Variants in GPRIN2 observed in about 807,000 individuals in gnomAD.
The protein encoded by GPRIN2 is G protein regulated inducer of neurite outgrowth 2, also known as G protein-regulated inducer of neurite outgrowth 2.
In GPRIN2, 1 loss-of-function variant was observed where a neutral mutation model predicts 0.3. That is an observed-to-expected ratio of 3.90 (90% CI 1.39 to 18.51). The LOEUF (loss-of-function observed/expected upper bound fraction) is 18.51. GPRIN2 is among the 30% of genes most tolerant of loss of function. The pLI is 0.11. For missense variants in GPRIN2, 880 were observed against 604.2 expected (o/e 1.46, Z -4.79); for synonymous variants, 361 against 258.6 (o/e 1.40, Z -3.80).
rs1588967145 is a variant in GPRIN2, at chr10:46,550,527, C to T, written c.210G>A (p.Glu70=). ...CAGAGGCCCGTGCTGGCTTCATGCTCTCAGGCGGGTTCCCCTCTTCCTCCG... is the reference window on the plus strand; with the variant it reads ...CAGAGGCCCGTGCTGGCTTCATGCTTTCAGGCGGGTTCCCCTCTTCCTCCG... ...QAPEEEGNPP[E]SMKPARASGP... is the part of the protein sequence containing the mutation. The change falls in exon 3 of 3, where the codon GAG becomes GAA. Residue 70 remains glutamate, a synonymous_variant. Coordinates refer to ENST00000374314, the MANE Select transcript of GPRIN2 (RefSeq NM_001385282.1). The T allele has an allele frequency of 5.0e-6, 8 of 1,596,924 alleles. No homozygotes were observed. The highest frequency in any genetic ancestry group is 6.0e-6 in the Non-Finnish European group (7 of 1,170,606).
At position 46,547,132 on chromosome 10, in the gene GPRIN2, C is replaced by T. The variant is rs2133202711; in HGVS notation, c.*2228G>A. Among the ~76,000 whole-genome samples the T allele has an allele frequency of 6.6e-6, 1 of 152,426 alleles. No individual in the cohort carries two copies. Among genetic ancestry groups the T allele is most frequent in the African/African-American group, 2.4e-5 (1 of 41,606 alleles). On this transcript the variant is annotated 3_prime_UTR_variant, in exon 3 of 3. Coordinates refer to ENST00000374314, the MANE Select transcript of GPRIN2 (RefSeq NM_001385282.1). ...TTCACCTTGACCCAGGTAGTGGCCT[C>T]ACCCTCCTCTTGCTCAAACTGGAAA...
At position 46,543,104 on chromosome 10, in the gene GPRIN2, G is replaced by C. The variant is rs988372693; in HGVS notation, c.*6256C>G. ...AGCAACCCCAGGGAGACCTCCCTCT[G>C]TAAGGAGATGCTCAGATGTTTTGGT... On this transcript the variant is annotated 3_prime_UTR_variant, in exon 3 of 3. Coordinates refer to ENST00000374314, the MANE Select transcript of GPRIN2 (RefSeq NM_001385282.1). Among the ~76,000 whole-genome samples, 12 of 152,300 alleles carry C rather than the reference G, an allele frequency of 7.9e-5. No homozygotes were observed. The highest frequency in any genetic ancestry group is 2.9e-5 in the Non-Finnish European group (2 of 68,058).
At chr10:46,553,998 C>T (rs980246783) in intron 2 of GPRIN2, among the ~76,000 whole-genome samples, 12 of 152,410 alleles carry the variant, frequency 7.9e-5, no homozygotes, top group African/African-American at 2.6e-4. Flanking sequence ...CCAATGGGGG[C>T]TCTTCCCCTT....
intron 1 of GPRIN2, among the ~76,000 whole-genome samples, chr10:46,554,998 G>A (rs1831952652): frequency 8.0e-4 from 122 of 152,348 alleles, no homozygotes; most frequent in Non-Finnish European, 1.4e-3. Context: ...CCAGGCTCGA[G>A]TACAATGGCT....
rs1841942338 is a variant in GPRIN2, at chr10:46,543,998, G to A, written c.*5362C>T. Among the ~76,000 whole-genome samples, 1 of 152,034 alleles carries A rather than the reference G, an allele frequency of 6.6e-6. No individual in the cohort carries two copies. The highest frequency in any genetic ancestry group is 1.5e-5 in the Non-Finnish European group (1 of 67,998). On this transcript the variant is annotated 3_prime_UTR_variant, in exon 3 of 3. Coordinates refer to ENST00000374314, the MANE Select transcript of GPRIN2 (RefSeq NM_001385282.1). ...TAGTAAACATCAGCTTTCCTCAGGTGTTCTTCTGCTTTATTATTCCCGTGT... is the reference window on the plus strand; with the variant it reads ...TAGTAAACATCAGCTTTCCTCAGGTATTCTTCTGCTTTATTATTCCCGTGT...
In GPRIN2 at chr10:46,549,327, T is replaced by C; in HGVS notation, c.*33A>G. 1 of 1,455,996 alleles carries C rather than the reference T, an allele frequency of 6.9e-7. No homozygotes were observed. Among genetic ancestry groups the C allele is most frequent in the Non-Finnish European group, 9.1e-7 (1 of 1,104,750 alleles). 90.2% of individuals were successfully genotyped at this position (1,455,996 alleles called of 1,614,324 possible). ...TGGCCCAGGTCTAGGACTAAGTCAG[T>C]GGGCCCAGGCCAGCTCCAAGGGCCA... On this transcript the variant is annotated 3_prime_UTR_variant, in exon 3 of 3. Coordinates refer to ENST00000374314, the MANE Select transcript of GPRIN2 (RefSeq NM_001385282.1).
chr10:46,550,636 TC>T lies in GPRIN2; in HGVS notation c.100del (p.Glu34AsnfsTer39). The T allele has an allele frequency of 6.4e-7, 1 of 1,572,912 alleles. No individual in the cohort carries two copies. The highest frequency in any genetic ancestry group is 8.6e-7 in the Non-Finnish European group (1 of 1,160,600). ...AGTCTTGCGGAGCTCTGGCCTCTGT[TC>T]CCGGCCTTCACCCAGCAGGCTGGAA... ...SSSSLLGEGR[E>X]QRPELRKTAS... On this transcript the variant is annotated frameshift_variant, in exon 3 of 3. Coordinates refer to ENST00000374314, the MANE Select transcript of GPRIN2 (RefSeq NM_001385282.1). LOFTEE classifies it low-confidence loss of function (END_TRUNC).
In GPRIN2 at chr10:46,543,790, C is replaced by T. The variant is rs1317542476; in HGVS notation, c.*5570G>A. 1.3e-5 allele frequency among the ~76,000 whole-genome samples: 2 copies of T among 152,312 alleles called. No individual in the cohort carries two copies. The highest frequency in any genetic ancestry group is 1.3e-4 in the Admixed American group (2 of 15,294). ...GGGAGCTCGTATTTTGGGGCCAGAC[C>T]TTCCTCCTTGCTGGGCTATCTCGGG... On this transcript the variant is annotated 3_prime_UTR_variant, in exon 3 of 3. Coordinates refer to ENST00000374314, the MANE Select transcript of GPRIN2 (RefSeq NM_001385282.1).
rs1832752710 is a variant in GPRIN2, at chr10:46,549,315, G to A, written c.*45C>T. 1.1e-5 allele frequency: 16 copies of A among 1,454,028 alleles called. No homozygotes were observed. Among genetic ancestry groups the A allele is most frequent in the Middle Eastern group, 2.5e-4 (1 of 4,034 alleles). 90.1% of individuals were successfully genotyped at this position (1,454,028 alleles called of 1,614,324 possible). A position where few individuals can be genotyped will look rare whatever the true frequency, so the allele number is the denominator to read the frequency against. ...CCCCACCGTCCCTGGCCCAGGTCTA[G>A]GACTAAGTCAGTGGGCCCAGGCCAG... On this transcript the variant is annotated 3_prime_UTR_variant, in exon 3 of 3. Transcript: ENST00000374314.
intron 2 of GPRIN2, among the ~76,000 whole-genome samples, chr10:46,553,192 G>A (rs1211406297): frequency 2.0e-5 from 3 of 152,308 alleles, no homozygotes; most frequent in East Asian, 1.9e-4. Context: ...TCTCCCCTTC[G>A]AGCACTGAGC....
rs1192076483 is a variant in GPRIN2, at chr10:46,547,023, GAA to G, written c.*2335_*2336del. Among the ~76,000 whole-genome samples the G allele has an allele frequency of 6.6e-6, 1 of 152,308 alleles. No homozygotes were observed. The highest frequency in any genetic ancestry group is 1.5e-5 in the Non-Finnish European group (1 of 68,058). ...ATAAGAATCTGCACGTGACACAGAA[GAA>G]AGTCTCTTCATGAAGTAGGTTTCAC... On this transcript the variant is annotated 3_prime_UTR_variant, in exon 3 of 3. Transcript: ENST00000374314.
rs1841934163 is a variant in GPRIN2 at position 46,543,920 on chromosome 10, C to T, written c.*5440G>A. Among the ~76,000 whole-genome samples the T allele has an allele frequency of 6.6e-6, 1 of 152,278 alleles. No homozygotes were observed. Among genetic ancestry groups the T allele is most frequent in the South Asian group, 2.1e-4 (1 of 4,838 alleles). ...GGACAAGGCAGTCAGACCCCACCAC[C>T]CATCCCCAATCCTATGGGCCCACGT... On this transcript the variant is annotated 3_prime_UTR_variant, in exon 3 of 3. Coordinates refer to ENST00000374314, the MANE Select transcript of GPRIN2 (RefSeq NM_001385282.1).
rs1475392515 is a variant in GPRIN2, at chr10:46,542,946, C to T, written c.*6414G>A. ...CCTCTCTAGCAGCCTAGCCAGCCAG[C>T]CACCAACAAGGGCCACCAAAAGTTA... On this transcript the variant is annotated 3_prime_UTR_variant, in exon 3 of 3. Transcript: ENST00000374314. Among the ~76,000 whole-genome samples, 1 of 152,310 alleles carries T rather than the reference C, an allele frequency of 6.6e-6. No homozygotes were observed. Among genetic ancestry groups the T allele is most frequent in the Non-Finnish European group, 1.5e-5 (1 of 68,058 alleles).
upstream of GPRIN2, among the ~76,000 whole-genome samples, chr10:46,557,050 T>TC (rs1831760014): frequency 1.3e-5 from 2 of 149,022 alleles, no homozygotes; most frequent in African/African-American, 2.5e-5. Flanking sequence ...CAGTTCCCCC[T>TC]CCGCACCACG....
chr10:46,552,528 C>T (rs1282655206), intron 2 of GPRIN2, among the ~76,000 whole-genome samples: 3 of 152,312 alleles, frequency 2.0e-5, no homozygotes, highest in Non-Finnish European at 4.4e-5. Flanking sequence ...GTCCTGGCAG[C>T]CCAGCACTCA....
In GPRIN2 at chr10:46,549,975, C is replaced by G; in HGVS notation, c.762G>C (p.Gly254=). The G allele has an allele frequency of 6.2e-7, 1 of 1,610,020 alleles. No homozygotes were observed. The highest frequency in any genetic ancestry group is 8.5e-7 in the Non-Finnish European group (1 of 1,180,010). Residue 254 remains glycine, a synonymous_variant, in exon 3 of 3, where the codon GGG becomes GGC. Coordinates refer to ENST00000374314, the MANE Select transcript of GPRIN2 (RefSeq NM_001385282.1). The part of the protein sequence containing the change: ...GGCCHALPAT[G]ILAFPKLVAS... ...CCACTAGTTTGGGAAAGGCCAGGATCCCTGTGGCAGGTAGGGCATGGCAGC... is the reference window on the plus strand; with the variant it reads ...CCACTAGTTTGGGAAAGGCCAGGATGCCTGTGGCAGGTAGGGCATGGCAGC...
intron 2 of GPRIN2, among the ~76,000 whole-genome samples, chr10:46,551,100 G>A (rs1210007510): frequency 6.6e-6 from 1 of 152,302 alleles, no homozygotes; most frequent in East Asian, 1.9e-4. Context: ...TGGGGCTTTG[G>A]GGGTGAAACT....
upstream of GPRIN2, among the ~76,000 whole-genome samples, chr10:46,557,382 T>C (rs1843359041): frequency 6.6e-6 from 1 of 152,266 alleles, no homozygotes; most frequent in African/African-American, 2.4e-5. Context: ...CCCAGCCTGG[T>C]AGACTCCTTC....
Position 46,542,707 on chromosome 10 carries a change from A to C in GPRIN2, c.*6653T>G, listed in dbSNP as rs1841851307. On this transcript the variant is annotated 3_prime_UTR_variant, in exon 3 of 3. Transcript: ENST00000374314. ...GGACTAATATGGAGGGGTCAAAGAC[A>C]GAAATCTCCTCCTCCAGTCCCTAGC... Among the ~76,000 whole-genome samples the C allele has an allele frequency of 6.6e-6, 1 of 152,304 alleles. No individual in the cohort carries two copies. Among genetic ancestry groups the C allele is most frequent in the South Asian group, 2.1e-4 (1 of 4,838 alleles).
Sources: allele counts gnomAD v4.1 joint callset (sites outside exome capture counted in the v4.1 genomes callset), GRCh38; gene constraint gnomAD v4.1.1; transcripts MANE v1.5; gene names NCBI Gene and HGNC (gene_info 2026-07-23, HGNC 2026-07-21).